ASB16: variants seen among roughly 807,000 people sequenced by gnomAD.
The protein encoded by ASB16 is ankyrin repeat and SOCS box protein 16.
A neutral mutation model predicts 39.1 loss-of-function variants in ASB16; 44 were observed. The ratio of observed to expected loss-of-function variants is 1.13; its 90% confidence interval spans 0.88 to 1.45. The LOEUF is 1.45. ASB16 is among the 40% of genes most tolerant of loss of function. The probability of loss-of-function intolerance (pLI) is 0.00; values close to 1 mark genes in which losing one functional copy is unlikely to be tolerated. For missense variants in ASB16, 698 were observed against 634.5 expected (o/e 1.10, Z -1.07); for synonymous variants, 305 against 286.7 (o/e 1.06, Z -0.64).
At position 44,175,783 on chromosome 17, in the gene ASB16, T is replaced by G. The variant is rs2054282891; in HGVS notation, c.570-955T>G. On this transcript the variant is annotated intron_variant, in intron 2 of 4. Coordinates refer to ENST00000293414, the MANE Select transcript of ASB16 (RefSeq NM_080863.5). ...CAGTGTTCTGGCCTATAATTTTCCC[T>G]GGAACTGGGAAACATGCACTCTTTA... Among the ~76,000 whole-genome samples, 3 of 152,314 alleles carry G rather than the reference T, an allele frequency of 2.0e-5. No individual in the cohort carries two copies. In the South Asian group the frequency reaches 6.2e-4, roughly 32 times the overall value.
chr17:44,172,305 G>T lies in ASB16; in HGVS notation c.561G>T (p.Glu187Asp). 1 of 1,611,588 alleles carries T rather than the reference G, an allele frequency of 6.2e-7. No homozygotes were observed. Among genetic ancestry groups the T allele is most frequent in the Non-Finnish European group, 8.5e-7 (1 of 1,179,490 alleles). Reference sequence around the variant, plus strand: ...CTTTGCACCTCTGCACGATCCCCGAGTCCTTGCAGTAGGTGCCTGGGGGCT... The same window carrying T: ...CTTTGCACCTCTGCACGATCCCCGATTCCTTGCAGTAGGTGCCTGGGGGCT... ...TTPLHLCTIP[E>D]SLQCAKLLLE... The change falls in exon 2 of 5, where the codon GAG (glutamate) becomes GAT (aspartate). Residue 187 changes from glutamate to aspartate, a missense_variant. Physicochemically the swap from Glu to Asp is conservative, Grantham distance 45. Transcript: ENST00000293414.
At position 44,178,008 on chromosome 17, in the gene ASB16, TAGTGGAGACCCTTCCCTGA is replaced by T. The variant is rs548207253; in HGVS notation, c.1177-189_1177-171del. ...CTCTGGGGTGGGAGTGGTATAGACA[TAGTGGAGACCCTTCCCTGA>T]AGTGGAGCCCCAGCCCGCATTATCA... On this transcript the variant is annotated intron_variant, in intron 4 of 4. Coordinates refer to ENST00000293414, the MANE Select transcript of ASB16 (RefSeq NM_080863.5). Among the ~76,000 whole-genome samples, 225 of 152,246 alleles carry T rather than the reference TAGTGGAGACCCTTCCCTGA, an allele frequency of 1.5e-3. 1 individual carries two copies. The highest frequency in any genetic ancestry group is 5.1e-3 in the African/African-American group (211 of 41,532).
chr17:44,172,648 C>T (rs994232394), intron 2 of ASB16, among the ~76,000 whole-genome samples: 32 of 151,900 alleles, frequency 2.1e-4, no homozygotes, highest in African/African-American at 7.0e-4. Flanking sequence ...TTTTTTGAGA[C>T]GAAGTCTTGC....
intron 3 of ASB16, 180 bp from the exon 4 acceptor site, chr17:44,177,429 C>G: frequency 8.8e-7 from 1 of 1,139,482 alleles, no homozygotes; most frequent in Non-Finnish European, 1.2e-6. Flanking sequence ...CAGAGGAAAA[C>G]TGGGGCCAAA....
In ASB16 at chr17:44,178,556, T is replaced by C; in HGVS notation, c.*166T>C. 3 of 728,224 alleles carry C rather than the reference T, an allele frequency of 4.1e-6. No homozygotes were observed. Among genetic ancestry groups the C allele is most frequent in the Non-Finnish European group, 6.6e-6 (3 of 456,086 alleles). The allele number at this position is 728,224 out of a possible 1,614,324, so 45.1% of individuals were successfully genotyped here. ...GGCGCTATCTCGGCTCACTGCAACT[T>C]CTACCACCTAGGTTCAAGCGATTCT... On this transcript the variant is annotated 3_prime_UTR_variant, in exon 5 of 5. Transcript: ENST00000293414.
intron 2 of ASB16, among the ~76,000 whole-genome samples, chr17:44,175,007 C>T (rs1047944041): frequency 2.7e-5 from 4 of 150,762 alleles, no homozygotes; most frequent in African/African-American, 9.8e-5. Flanking sequence ...GAGGCTGAGG[C>T]AGAAGAATTG....
chr17:44,171,239 T>C, intron 1 of ASB16, 149 bp downstream of exon 1: 1 of 869,386 alleles, frequency 1.2e-6, no homozygotes, highest in Non-Finnish European at 1.7e-6. Flanking sequence ...TAAACAGAGA[T>C]GAGGCAGGGT....
rs756436248 is a variant in ASB16 at position 44,177,613 on chromosome 17, TG to T, written c.1068del (p.Lys357AsnfsTer49). On this transcript the variant is annotated frameshift_variant, in exon 4 of 5. Transcript: ENST00000293414. LOFTEE classifies it high-confidence loss of function. ...AGACCCTCTTTTGACCCCTAGATGC[TG>T]AAACACTGCGCCAACTTCCCTCGGG... The part of the protein sequence containing the change: ...YGAQPVRPEM[L>X]KHCANFPRAL... The T allele has an allele frequency of 1.2e-6, 2 of 1,613,600 alleles. No homozygotes were observed. Among genetic ancestry groups the T allele is most frequent in the Non-Finnish European group, 8.5e-7 (1 of 1,179,648 alleles).
chr17:44,172,114 A>G lies in ASB16; in HGVS notation c.370A>G (p.Thr124Ala). The change falls in exon 2 of 5, where the codon ACA becomes GCA. Residue 124 changes from threonine to alanine, a missense_variant. By Grantham distance (58) the Thr-to-Ala change is moderately conservative. Transcript: ENST00000293414. ...CGCCATCGCTACAGCCCGAGGCTAC[A>G]CAGACTGTGCTCGACACCTGATCCG... ...PLAIATARGY[T>A]DCARHLIRQG... 6.2e-7 allele frequency: 1 copy of G among 1,611,534 alleles called. No homozygotes were observed. The highest frequency in any genetic ancestry group is 2.2e-5 in the East Asian group (1 of 44,860).
chr17:44,173,159 C>T (rs1157991045), intron 2 of ASB16, among the ~76,000 whole-genome samples: 3 of 146,202 alleles, frequency 2.1e-5, no homozygotes, highest in African/African-American at 5.0e-5. Flanking sequence ...GAGGCTGAGG[C>T]GGGTGGATCA....
chr17:44,173,473 G>T (rs1053262404), intron 2 of ASB16, among the ~76,000 whole-genome samples: 1 of 151,936 alleles, frequency 6.6e-6, no homozygotes, highest in Admixed American at 6.6e-5. Flanking sequence ...CAGGAGGATT[G>T]CTTGAGTCCA....
Position 44,178,564 on chromosome 17 carries a change from C to G in ASB16, c.*174C>G, listed in dbSNP as rs531622744. On this transcript the variant is annotated 3_prime_UTR_variant, in exon 5 of 5. Coordinates refer to ENST00000293414, the MANE Select transcript of ASB16 (RefSeq NM_080863.5). ...CTCGGCTCACTGCAACTTCTACCAC[C>G]TAGGTTCAAGCGATTCTTGTGCCCC... The G allele has an allele frequency of 2.9e-5, 20 of 698,078 alleles. No individual in the cohort carries two copies. The African/African-American group carries it at 3.2e-4, about 11-fold the overall frequency. The allele number at this position is 698,078 out of a possible 1,614,324, so 43.2% of individuals were successfully genotyped here.
chr17:44,174,677 C>T (rs1204164658), intron 2 of ASB16, among the ~76,000 whole-genome samples: 1 of 152,178 alleles, frequency 6.6e-6, no homozygotes, highest in African/African-American at 2.4e-5. Context: ...AGAAGTGGTC[C>T]ACATTTGCCA....
intron 2 of ASB16, chr17:44,176,475 T>C: frequency 1.7e-6 from 1 of 574,262 alleles, no homozygotes; most frequent in East Asian, 3.0e-5. Context: ...CTATTTCTGG[T>C]GCAGCCACTA....
At chr17:44,172,421 T>TAAAGCACCGC in intron 2 of ASB16, 108 bp downstream of exon 2, 2 of 1,304,012 alleles carry the variant, frequency 1.5e-6, no homozygotes, top group Non-Finnish European at 2.1e-6. Context: ...TTGTGGTTCA[T>TAAAGCACCGC]AAAGCACCGC....
chr17:44,178,260 T>C lies in ASB16; in HGVS notation c.1232T>C (p.Leu411Pro), dbSNP rs137960715. ...ALCMVNQPRQ[L>P]QHLARLAVRA... Reference sequence around the variant, plus strand: ...TGCATGGTGAACCAGCCAAGGCAGCTGCAGCACCTGGCCCGACTAGCTGTG... The same window carrying C: ...TGCATGGTGAACCAGCCAAGGCAGCCGCAGCACCTGGCCCGACTAGCTGTG... The change falls in exon 5 of 5, where the codon CTG (leucine) becomes CCG (proline). Residue 411 changes from leucine to proline, a missense_variant. Transcript: ENST00000293414. 5.9e-4 allele frequency: 947 copies of C among 1,613,552 alleles called. 6 individuals carry two copies. The African/African-American group carries it at 0.011, about 19-fold the overall frequency.
chr17:44,173,842 G>A (rs1295596034), intron 2 of ASB16, among the ~76,000 whole-genome samples: 2 of 151,998 alleles, frequency 1.3e-5, no homozygotes, highest in Non-Finnish European at 2.9e-5. Context: ...AGGTATGGGG[G>A]TGCCTCACAC....
chr17:44,177,336 C>T, intron 3 of ASB16, 106 bp downstream of exon 3: 1 of 1,402,500 alleles, frequency 7.1e-7, no homozygotes, highest in Non-Finnish European at 9.4e-7. Context: ...TGAAAGCCTG[C>T]CCTCAGTGGC....
At position 44,177,643 on chromosome 17, in the gene ASB16, T is replaced by TG. The variant is rs753976530; in HGVS notation, c.1099dup (p.Glu367GlyfsTer5). 3.1e-6 allele frequency: 5 copies of TG among 1,613,840 alleles called. No individual in the cohort carries two copies. Among genetic ancestry groups the TG allele is most frequent in the Non-Finnish European group, 8.5e-7 (1 of 1,179,818 alleles). On this transcript the variant is annotated frameshift_variant, in exon 4 of 5. Transcript: ENST00000293414. LOFTEE classifies it high-confidence loss of function. The stretch of plus-strand genomic sequence containing the variant: ...CACTGCGCCAACTTCCCTCGGGCCC[T>TG]GGAAGTCCTGCTTAATGCCTATCCT...
Sources: allele counts gnomAD v4.1 joint callset (sites outside exome capture counted in the v4.1 genomes callset), GRCh38; gene constraint gnomAD v4.1.1; transcripts MANE v1.5; gene names NCBI Gene and HGNC (gene_info 2026-07-23, HGNC 2026-07-21).